Variants in TINAG observed in about 807,000 individuals in gnomAD.
TINAG encodes tubulointerstitial nephritis antigen.
A neutral mutation model predicts 72.7 loss-of-function variants in TINAG; 83 were observed. That is an observed-to-expected ratio of 1.14 (90% CI 0.96 to 1.37). TINAG has a LOEUF of 1.37. Ranked by LOEUF, TINAG falls within the 40% of genes most tolerant of loss-of-function variation. TINAG has a pLI of 0.00. For synonymous variants in TINAG, 234 were observed against 189.9 expected, an observed-to-expected ratio of 1.23 and a Z score of -1.91; for missense variants, 685 against 576.6, an observed-to-expected ratio of 1.19 and a Z score of -1.93.
chr6:54,362,389 G>A (rs368808828), intron 9 of TINAG, among the ~76,000 whole-genome samples: 2 of 151,500 alleles, frequency 1.3e-5, no homozygotes, highest in African/African-American at 4.8e-5. Flanking sequence ...TTCTAGAAGT[G>A]GAACAATAAA....
chr6:54,313,943 T>C (rs1211388329), intron 1 of TINAG, among the ~76,000 whole-genome samples: 1 of 152,152 alleles, frequency 6.6e-6, no homozygotes, highest in Non-Finnish European at 1.5e-5. Context: ...ACTTTTTATA[T>C]ATCCATGATT....
At chr6:54,388,294 A>G (rs1014167145) in intron 10 of TINAG, among the ~76,000 whole-genome samples, 17 of 152,314 alleles carry the variant, frequency 1.1e-4, no homozygotes, top group African/African-American at 3.8e-4. Flanking sequence ...CTTCTCAGCT[A>G]TTCAAAGTCC....
At position 54,372,842 on chromosome 6, in the gene TINAG, T is replaced by C. The variant is rs573281543; in HGVS notation, c.1251-7684T>C. 2.0e-5 allele frequency among the ~76,000 whole-genome samples: 3 copies of C among 151,466 alleles called. No homozygotes were observed. The South Asian group carries it at 6.2e-4, about 32-fold the overall frequency. ...CAAGAGTTTTGTTAAAAGGCATATG[T>C]TGCTATGGCAATTTGCAATGTCTTC... On this transcript the variant is annotated intron_variant, in intron 9 of 10. Transcript: ENST00000259782.
chr6:54,342,643 C>G (rs762422470), intron 4 of TINAG, among the ~76,000 whole-genome samples: 1 of 152,152 alleles, frequency 6.6e-6, no homozygotes, highest in Non-Finnish European at 1.5e-5. Flanking sequence ...GCTGGGATTA[C>G]AGGCGTGAGC....
At chr6:54,352,776 T>G (rs1222689302) in intron 8 of TINAG, among the ~76,000 whole-genome samples, 1 of 151,738 alleles carries the variant, frequency 6.6e-6, no homozygotes, top group Non-Finnish European at 1.5e-5. Context: ...TCAAACAATT[T>G]TGAATTGTAA....
chr6:54,371,980 T>G (rs1004368956), intron 9 of TINAG, among the ~76,000 whole-genome samples: 2 of 118,020 alleles, frequency 1.7e-5, no homozygotes, highest in South Asian at 5.9e-4. Context: ...TTTCAAGTCA[T>G]GTTTTTTTTT....
chr6:54,360,839 G>GTGT, intron 9 of TINAG, among the ~76,000 whole-genome samples: 1 of 16,960 alleles, frequency 5.9e-5, no homozygotes, highest in South Asian at 2.5e-3. Context: ...CACAGATACT[G>GTGT]TGTTTTTTTT....
intron 9 of TINAG, among the ~76,000 whole-genome samples, chr6:54,378,602 T>A (rs1383676739): frequency 1.3e-5 from 2 of 152,138 alleles, no homozygotes. Context: ...GTAAAAGTAA[T>A]AGTTCGTATT....
intron 1 of TINAG, 46 bp from the exon 2 acceptor site, chr6:54,320,533 A>G: frequency 6.8e-7 from 1 of 1,467,480 alleles, no homozygotes; most frequent in Non-Finnish European, 9.4e-7. Flanking sequence ...AATGCACTTT[A>G]TTACTTAGTT....
In TINAG at chr6:54,390,052, T is replaced by C. The variant is rs528548183; in HGVS notation, c.*127T>C. The stretch of plus-strand genomic sequence containing the variant: ...CCGTGTTAACATAATCTATCTATTT[T>C]CTTATTTTCCCCTCTGGTCTATGCT... On this transcript the variant is annotated 3_prime_UTR_variant, in exon 11 of 11. Transcript: ENST00000259782. The C allele has an allele frequency of 2.1e-5, 28 of 1,327,654 alleles. No individual in the cohort carries two copies. In the East Asian group the frequency reaches 6.1e-4, roughly 29 times the overall value. The allele number at this position is 1,327,654 out of a possible 1,614,324, so 82.2% of individuals were successfully genotyped here.
At chr6:54,387,894 T>G (rs1764141127) in intron 10 of TINAG, among the ~76,000 whole-genome samples, 2 of 152,108 alleles carry the variant, frequency 1.3e-5, no homozygotes, top group Admixed American at 6.6e-5. Flanking sequence ...ATACATGTCC[T>G]GAGGTGTATT....
rs368608970 is a variant in TINAG at position 54,363,832 on chromosome 6, C to T, written c.1250+9196C>T. 1.4e-4 allele frequency among the ~76,000 whole-genome samples: 21 copies of T among 151,416 alleles called. No homozygotes were observed. The East Asian group carries it at 3.9e-3, about 28-fold the overall frequency. On this transcript the variant is annotated intron_variant, in intron 9 of 10. Transcript: ENST00000259782. ...AAAAGAAAAAAGTAGGAGAGAGTTGCTAATGTAGGGTTTCTTAGAAAGCTG... is the reference window on the plus strand; with the variant it reads ...AAAAGAAAAAAGTAGGAGAGAGTTGTTAATGTAGGGTTTCTTAGAAAGCTG...
intron 9 of TINAG, among the ~76,000 whole-genome samples, chr6:54,372,727 C>CATATATATAT (rs67301819): frequency 3.0e-4 from 40 of 133,912 alleles, no homozygotes; most frequent in South Asian, 1.2e-3. Flanking sequence ...TAAATACATA[C>CATATATATAT]ATATATATAT....
intron 4 of TINAG, among the ~76,000 whole-genome samples, chr6:54,328,531 G>T (rs1784661511): frequency 6.6e-6 from 1 of 152,092 alleles, no homozygotes; most frequent in South Asian, 2.1e-4. Flanking sequence ...CACAAAAAAA[G>T]CTGAAAATTC....
intron 10 of TINAG, among the ~76,000 whole-genome samples, chr6:54,385,037 A>G (rs923740350): frequency 6.6e-6 from 1 of 152,166 alleles, no homozygotes; most frequent in African/African-American, 2.4e-5. Flanking sequence ...TGTAATAGAA[A>G]ATGCATGCAT....
intron 9 of TINAG, among the ~76,000 whole-genome samples, chr6:54,379,335 C>T (rs1763875698): frequency 6.6e-6 from 1 of 152,138 alleles, no homozygotes; most frequent in African/African-American, 2.4e-5. Flanking sequence ...GGACAAGTCT[C>T]CATTATCTCA....
chr6:54,383,836 A>T (rs1183540068), intron 10 of TINAG, among the ~76,000 whole-genome samples: 1 of 152,152 alleles, frequency 6.6e-6, no homozygotes. Context: ...CATTTGACCC[A>T]GCAATCTCAT....
At chr6:54,335,623 G>A (rs1027008408) in intron 4 of TINAG, among the ~76,000 whole-genome samples, 2 of 152,090 alleles carry the variant, frequency 1.3e-5, no homozygotes, top group Non-Finnish European at 1.5e-5. Flanking sequence ...GAGTTGAACT[G>A]GAAGCTTTGG....
chr6:54,364,178 T>C (rs1329428598), intron 9 of TINAG, among the ~76,000 whole-genome samples: 1 of 151,464 alleles, frequency 6.6e-6, no homozygotes, highest in Non-Finnish European at 1.5e-5. Context: ...CCCAAAGGGA[T>C]CATTAGGCAT....
Sources: allele counts gnomAD v4.1 joint callset (sites outside exome capture counted in the v4.1 genomes callset), GRCh38; gene constraint gnomAD v4.1.1; transcripts MANE v1.5; gene names NCBI Gene and HGNC (gene_info 2026-07-23, HGNC 2026-07-21).